The following NUP188 variants were observed in gnomAD, a reference collection of about 807,000 sequenced individuals.
NUP188 encodes the protein nucleoporin NUP188.
Under a neutral mutation model 223.0 loss-of-function variants are expected in NUP188, and 97 were observed. The ratio of observed to expected loss-of-function variants is 0.43; its 90% confidence interval spans 0.37 to 0.51. The LOEUF is 0.51. NUP188 is among the 20% of genes least tolerant of loss of function. The pLI is 0.00. For synonymous variants in NUP188, 869 were observed against 828.0 expected (o/e 1.05, Z -0.85); for missense variants, 1,947 against 2,175.6 (o/e 0.89, Z 2.09).
rs148660829 is a variant in NUP188, at chr9:128,988,503, C to G, written c.2533+317C>G. Among the ~76,000 whole-genome samples, 5 of 152,256 alleles carry G rather than the reference C, an allele frequency of 3.3e-5. No individual in the cohort carries two copies. In the East Asian group the frequency reaches 7.7e-4, roughly 23 times the overall value. ...TATTAAACAACTCTGCCTCTGATTT[C>G]TCATCTGTAAAATGGGGATAATGGT... On this transcript the variant is annotated intron_variant, in intron 24 of 43. Coordinates refer to ENST00000372577, the MANE Select transcript of NUP188 (RefSeq NM_015354.3).
In NUP188 at chr9:128,982,624, G is replaced by A. The variant is rs750706979; in HGVS notation, c.1592G>A (p.Arg531His). 16 of 1,614,016 alleles carry A rather than the reference G, an allele frequency of 9.9e-6. No individual in the cohort carries two copies. The highest frequency in any genetic ancestry group is 1.4e-5 in the Non-Finnish European group (16 of 1,180,026). Reference sequence around the variant, plus strand: ...TTGGATGATAGGGCATACCTGGTACGCTGGGAATACTCCTATAGCAGCTGG... The same window carrying A: ...TTGGATGATAGGGCATACCTGGTACACTGGGAATACTCCTATAGCAGCTGG... ...VMLDDRAYLVRWEYSYSSWTL... is the reference protein window; with the variant it reads ...VMLDDRAYLVHWEYSYSSWTL... Residue 531 changes from arginine to histidine, a missense_variant, in exon 16 of 44, where the codon CGC becomes CAC. Around this residue, in one of 3 missense-constraint regions of NUP188, gnomAD observed 817 missense variants for 865.8 expected, o/e 0.94. Transcript: ENST00000372577.
chr9:128,968,680 G>A lies in NUP188; in HGVS notation c.760G>A (p.Val254Met). The A allele has an allele frequency of 6.2e-7, 1 of 1,614,134 alleles. No homozygotes were observed. Among genetic ancestry groups the A allele is most frequent in the South Asian group, 1.1e-5 (1 of 91,086 alleles). Reference protein sequence around the residue: ...FGSRQTNRHLVDETMDPFVDR... With the variant: ...FGSRQTNRHLMDETMDPFVDR... ...TAGTAGGCAGACCAATAGGCACCTG[G>A]TGGATGAGACTATGGATCCTTTTGT... The change falls in exon 9 of 44, where the codon GTG (valine) becomes ATG (methionine). Residue 254 changes from valine (V) to methionine (M), a missense_variant. Coordinates refer to ENST00000372577, the MANE Select transcript of NUP188 (RefSeq NM_015354.3).
rs1162562737 is a variant in NUP188, at chr9:128,995,355, G to T, written c.3192G>T (p.Lys1064Asn). Residue 1064 changes from lysine to asparagine, a missense_variant, in exon 30 of 44, where the codon AAG becomes AAT. By Grantham distance (94) the Lys-to-Asn change is moderately conservative (BLOSUM62 0). Transcript: ENST00000372577. ...ACCAGTCATTAAAGGATACACTGAA[G>T]AAATTTTCCATCGAGAAACGCTTTG... is the stretch of plus-strand genomic sequence containing the variant. ...SLDQSLKDTL[K>N]KFSIEKRFAY... The T allele has an allele frequency of 6.2e-7, 1 of 1,614,170 alleles. No individual in the cohort carries two copies.
intron 29 of NUP188, 55 bp from the exon 30 acceptor site, chr9:128,995,264 T>G: frequency 7.0e-7 from 1 of 1,425,984 alleles, no homozygotes; most frequent in Non-Finnish European, 9.9e-7. Context: ...TCTGTACCCA[T>G]TATATTCCCA....
chr9:128,991,162 CTTTTT>C (rs78549616), intron 25 of NUP188, among the ~76,000 whole-genome samples: 4 of 123,476 alleles, frequency 3.2e-5, no homozygotes. Context: ...CTCCAGATTT[CTTTTT>C]TTTTTTTTTT....
intron 3 of NUP188, among the ~76,000 whole-genome samples, chr9:128,954,244 T>G (rs572516480): frequency 6.6e-6 from 1 of 152,078 alleles, no homozygotes; most frequent in East Asian, 1.9e-4. Flanking sequence ...AGATGGAGTC[T>G]CGCTTTGTGG....
At chr9:128,985,040 G>A (rs1006329889) in intron 20 of NUP188, 26 bp downstream of exon 20, 3 of 1,532,922 alleles carry the variant, frequency 2.0e-6, no homozygotes, top group Non-Finnish European at 2.7e-6. Context: ...GTTCACAAAG[G>A]GCAGAAAAAG....
intron 8 of NUP188, among the ~76,000 whole-genome samples, chr9:128,961,592 A>ATC (rs60649806): frequency 2.8e-5 from 4 of 145,018 alleles, no homozygotes; most frequent in African/African-American, 1.1e-4. Flanking sequence ...CTATCTATCT[A>ATC]GATAGATAGA....
chr9:128,969,259 A>T (rs1211013084), intron 9 of NUP188, 141 bp from the exon 10 acceptor site: 1 of 582,692 alleles, frequency 1.7e-6, no homozygotes, highest in African/African-American at 1.9e-5. Flanking sequence ...TCTGCCTCTC[A>T]AAGTGTTAGG....
At chr9:128,994,246 C>G (rs1381660083) in intron 27 of NUP188, 127 bp from the exon 28 acceptor site, 2 of 691,258 alleles carry the variant, frequency 2.9e-6, no homozygotes, top group Non-Finnish European at 5.2e-6. Context: ...GAACAACTGA[C>G]TTATCAGACA....
intron 12 of NUP188, 75 bp from the exon 13 acceptor site, chr9:128,979,187 C>A: frequency 1.8e-6 from 2 of 1,123,526 alleles, no homozygotes; most frequent in Non-Finnish European, 2.6e-6. Flanking sequence ...GTTTTTATTT[C>A]AACAGAATAC....
intron 12 of NUP188, among the ~76,000 whole-genome samples, chr9:128,977,179 G>A (rs1485936636): frequency 2.0e-5 from 3 of 150,060 alleles, no homozygotes; most frequent in Non-Finnish European, 4.4e-5. Context: ...GAGTGCAGTG[G>A]CGCGATCTCG....
intron 8 of NUP188, among the ~76,000 whole-genome samples, chr9:128,963,682 T>C (rs1361157431): frequency 2.0e-5 from 3 of 152,040 alleles, no homozygotes; most frequent in Non-Finnish European, 4.4e-5. Context: ...TTGTGGTTTG[T>C]TTGTTTTGAG....
chr9:128,999,462 A>AT, intron 33 of NUP188, 145 bp downstream of exon 33: 2 of 1,272,378 alleles, frequency 1.6e-6, no homozygotes, highest in South Asian at 1.4e-5. Flanking sequence ...CAAGAAAGCT[A>AT]TTTTTTTCCC....
Position 128,995,397 on chromosome 9 carries a change from T to C in NUP188, c.3234T>C (p.Tyr1078=), listed in dbSNP as rs773740129. The C allele has an allele frequency of 6.2e-7, 1 of 1,614,130 alleles. No homozygotes were observed. Among genetic ancestry groups the C allele is most frequent in the Non-Finnish European group, 8.5e-7 (1 of 1,180,008 alleles). ...IEKRFAYWSG[Y]VKSLAVHVAE... Reference sequence around the variant, plus strand: ...AACGCTTTGCCTACTGGTCAGGGTATGTCAAGTCATTGGCAGTTCACGTGG... The same window carrying C: ...AACGCTTTGCCTACTGGTCAGGGTACGTCAAGTCATTGGCAGTTCACGTGG... The change falls in exon 30 of 44, where the codon TAT becomes TAC. Residue 1078 remains tyrosine (Y), a synonymous_variant. Transcript: ENST00000372577.
intron 12 of NUP188, among the ~76,000 whole-genome samples, chr9:128,978,856 G>A (rs926388989): frequency 3.3e-5 from 5 of 152,000 alleles, no homozygotes; most frequent in Admixed American, 1.3e-4. Context: ...ATTATAAGGT[G>A]TGCGCCACCA....
At chr9:129,005,896 G>C in intron 41 of NUP188, 120 bp downstream of exon 41, 1 of 1,434,226 alleles carries the variant, frequency 7.0e-7, no homozygotes. Context: ...GCTCCTCTCT[G>C]TAAACTGAAC....
At chr9:128,982,836 CAG>C (rs1842275210) in intron 16 of NUP188, 64 bp from the exon 17 acceptor site, 2 of 1,603,630 alleles carry the variant, frequency 1.2e-6, no homozygotes, top group Admixed American at 1.7e-5. Flanking sequence ...ATCTGGGTCT[CAG>C]AGACTGTTCA....
Position 128,956,424 on chromosome 9 carries a change from G to A in NUP188, c.236G>A (p.Ser79Asn). Residue 79 changes from serine to asparagine, a missense_variant, in exon 4 of 44, where the codon AGC (serine) becomes AAC (asparagine). Physicochemically the swap from Ser to Asn is conservative, Grantham distance 46 (BLOSUM62 1). This residue lies in a region of NUP188 where 817 missense variants were observed against 865.8 expected (regional missense o/e 0.94). Coordinates refer to ENST00000372577, the MANE Select transcript of NUP188 (RefSeq NM_015354.3). ...TTGAAGGAACTGGGTTTAAGAATCA[G>A]CAAGTTTTTGGTGAGTAAAAATTAG... ...SPLKELGLRI[S>N]KFLGLDEEQS... 1 of 1,571,748 alleles carries A rather than the reference G, an allele frequency of 6.4e-7. No homozygotes were observed. Among genetic ancestry groups the A allele is most frequent in the East Asian group, 2.3e-5 (1 of 42,670 alleles).
Sources: gnomAD v4.1 joint callset for allele counts (sites outside exome capture counted in the v4.1 genomes callset) on GRCh38, gnomAD v4.1.1 for gene constraint, gnomAD v4.1.1 regional missense constraint, MANE v1.5 for transcripts, NCBI Gene and HGNC (gene_info 2026-07-23, HGNC 2026-07-21) for gene names.